APC: variants seen among roughly 807,000 people sequenced by gnomAD.
The protein encoded by APC is APC regulator of Wnt signaling pathway.
In APC, 72 loss-of-function variants were observed where a neutral mutation model predicts 247.0. That is an observed-to-expected ratio of 0.29 (90% CI 0.24 to 0.35). The LOEUF (loss-of-function observed/expected upper bound fraction) is 0.35. Among genes scored for constraint, APC ranks in the 10% least tolerant of loss-of-function variants. The pLI is 1.00. For synonymous variants in APC, 1,254 were observed against 1,162.5 expected (o/e 1.08, Z -1.60); for missense variants, 3,400 against 3,360.7 (o/e 1.01, Z -0.29).
intron 1 of APC, among the ~76,000 whole-genome samples, chr5:112,752,546 A>G (rs948225169): frequency 3.3e-5 from 5 of 152,206 alleles, no homozygotes; most frequent in African/African-American, 1.2e-4. Context: ...CTCTCAGTAA[A>G]GTGAAAGATT....
intron 7 of APC, among the ~76,000 whole-genome samples, chr5:112,800,604 C>T (rs1197317947): frequency 2.6e-5 from 4 of 151,790 alleles, no homozygotes; most frequent in East Asian, 1.9e-4. Context: ...TATAAATGAC[C>T]GTGAGAAATT....
intron 1 of APC, among the ~76,000 whole-genome samples, chr5:112,743,597 A>T (rs994092985): frequency 6.6e-6 from 1 of 152,272 alleles, no homozygotes; most frequent in African/African-American, 2.4e-5. Flanking sequence ...TGATTTTATC[A>T]TCACTTAATT....
intron 7 of APC, among the ~76,000 whole-genome samples, chr5:112,798,134 C>G (rs569171442): frequency 6.6e-6 from 1 of 152,332 alleles, no homozygotes; most frequent in African/African-American, 2.4e-5. Context: ...TGTTCATTCA[C>G]TAGCAGCATT....
At chr5:112,831,574 A>C (rs1018874771) in intron 14 of APC, among the ~76,000 whole-genome samples, 1 of 152,022 alleles carries the variant, frequency 6.6e-6, no homozygotes, top group Non-Finnish European at 1.5e-5. Context: ...TTCCCTCTCA[A>C]CTTCAGCTAC....
intron 2 of APC, among the ~76,000 whole-genome samples, chr5:112,763,955 C>T (rs1317694820): frequency 2.0e-5 from 3 of 151,908 alleles, no homozygotes; most frequent in South Asian, 2.1e-4. Flanking sequence ...GAGACCTGAT[C>T]GGCCGGGCGC....
At chr5:112,725,057 C>T (rs1240391337) in intron 1 of APC, among the ~76,000 whole-genome samples, 2 of 152,086 alleles carry the variant, frequency 1.3e-5, no homozygotes, top group Non-Finnish European at 2.9e-5. Flanking sequence ...AGTCTTGGCT[C>T]ACCGCAACCT....
intron 4 of APC, among the ~76,000 whole-genome samples, chr5:112,768,043 CTTTT>C (rs761163996): frequency 1.5e-5 from 2 of 133,220 alleles, no homozygotes; most frequent in Non-Finnish European, 1.6e-5. Context: ...AAGACTCTTT[CTTTT>C]TTTTTTTTTT....
Position 112,837,713 on chromosome 5 carries a change from C to T in APC, c.2119C>T (p.Leu707Phe), listed in dbSNP as rs2149861054. The change falls in exon 16 of 16, where the codon CTC (leucine) becomes TTC (phenylalanine). Residue 707 changes from leucine to phenylalanine, a missense_variant. Transcript: ENST00000257430. ...ALWDMGAVSMLKNLIHSKHKM... is the reference protein window; with the variant it reads ...ALWDMGAVSMFKNLIHSKHKM... ...ATGGGACATGGGGGCAGTTAGCATG[C>T]TCAAGAACCTCATTCATTCAAAGCA... The T allele has an allele frequency of 6.2e-7, 1 of 1,614,130 alleles. No homozygotes were observed. Among genetic ancestry groups the T allele is most frequent in the Non-Finnish European group, 8.5e-7 (1 of 1,180,026 alleles).
intron 2 of APC, among the ~76,000 whole-genome samples, chr5:112,755,944 C>CAA (rs71708215): frequency 2.3e-5 from 3 of 128,074 alleles, no homozygotes; most frequent in African/African-American, 8.4e-5. Context: ...ACCCCATTCT[C>CAA]AAAAAAAAAA....
In APC at chr5:112,819,291, G is replaced by T. The variant is rs1367937646; in HGVS notation, c.1259G>T (p.Cys420Phe). ...CAGATACGCGCTTACTGTGAAACCT[G>T]TTGGGAGTGGCAGGAAGCTCATGAA... ...LEQIRAYCET[C>F]WEWQEAHEPG... The change falls in exon 10 of 16, where the codon TGT (cysteine) becomes TTT (phenylalanine). Residue 420 changes from cysteine to phenylalanine, a missense_variant. Cys to Phe is a radical substitution (Grantham distance 205, BLOSUM62 -2). Coordinates refer to ENST00000257430, the MANE Select transcript of APC (RefSeq NM_000038.6). 2.5e-6 allele frequency: 4 copies of T among 1,614,070 alleles called. No homozygotes were observed. The East Asian group carries it at 6.7e-5, about 27-fold the overall frequency.
At chr5:112,770,914 G>T (rs1756968274) in intron 4 of APC, among the ~76,000 whole-genome samples, 1 of 152,082 alleles carries the variant, frequency 6.6e-6, no homozygotes, top group South Asian at 2.1e-4. Context: ...GTGAGTGACT[G>T]TGTCTACTGA....
intron 2 of APC, among the ~76,000 whole-genome samples, chr5:112,764,245 C>CAAA (rs71683434): frequency 9.5e-6 from 1 of 105,244 alleles, no homozygotes. Flanking sequence ...GACTCCGTCT[C>CAAA]AAAAAAAAAA....
At chr5:112,815,642 TAAG>T (rs1762438916) in intron 9 of APC, 49 bp downstream of exon 9, 4 of 1,468,906 alleles carry the variant, frequency 2.7e-6, no homozygotes, top group Non-Finnish European at 3.8e-6. Context: ...ACTACTTTGC[TAAG>T]ACATTCTTGG....
chr5:112,839,183 T>C lies in APC; in HGVS notation c.3589T>C (p.Phe1197Leu), dbSNP rs1399846917. 1 of 1,614,052 alleles carries C rather than the reference T, an allele frequency of 6.2e-7. No homozygotes were observed. The highest frequency in any genetic ancestry group is 8.5e-7 in the Non-Finnish European group (1 of 1,180,036). The part of the protein sequence containing the change: ...IPSSQKQSFS[F>L]SKSSSGQSSK... ...TTCATCACAGAAACAGTCATTTTCA[T>C]TCTCAAAGAGTTCATCTGGACAAAG... Residue 1197 changes from phenylalanine to leucine, a missense_variant, in exon 16 of 16, where the codon TTC becomes CTC. Transcript: ENST00000257430. This position sits in a 1 kb window ranked among gnomAD's most constrained non-coding sequence, Gnocchi z 5.0.
chr5:112,827,564 A>G (rs1580567438), intron 12 of APC, among the ~76,000 whole-genome samples: 2 of 152,242 alleles, frequency 1.3e-5, no homozygotes, highest in African/African-American at 4.8e-5. Context: ...GAATTAAAAA[A>G]TAAAAGATAA....
At chr5:112,734,320 C>T (rs1374661452), upstream of APC, among the ~76,000 whole-genome samples, 1 of 152,196 alleles carries the variant, frequency 6.6e-6, no homozygotes, top group Non-Finnish European at 1.5e-5. Context: ...TGTAACATTT[C>T]ACCTCGTTCT....
chr5:112,803,254 C>T (rs1355243096), intron 8 of APC, among the ~76,000 whole-genome samples: 1 of 152,082 alleles, frequency 6.6e-6, no homozygotes, highest in Non-Finnish European at 1.5e-5. Context: ...TGTTGTGAAG[C>T]TCATCACTAC....
At chr5:112,746,689 A>T (rs1753723955) in intron 1 of APC, among the ~76,000 whole-genome samples, 1 of 152,240 alleles carries the variant, frequency 6.6e-6, no homozygotes. Flanking sequence ...AAACATGTTT[A>T]AAAAATTTAC....
At position 112,707,747 on chromosome 5, in the gene APC, C is replaced by A. The variant is rs917976853; in HGVS notation, c.30C>A (p.Val10=). The A allele has an allele frequency of 5.1e-6, 7 of 1,370,650 alleles. No individual in the cohort carries two copies. Among genetic ancestry groups the A allele is most frequent in the Admixed American group, 4.3e-5 (2 of 46,072 alleles). The allele number at this position is 1,370,650 out of a possible 1,614,324, so 84.9% of individuals were successfully genotyped here. A position where few individuals can be genotyped will look rare whatever the true frequency, so the allele number is the denominator to read the frequency against. ...ACGCCTCCCTGGGCTCGGGTCCGGT[C>A]GCCCCTTTGCCCGCTTCTGTACCAC... The change falls in exon 1 of 14, where the codon GTC becomes GTA. Residue 10 remains valine, a synonymous_variant. Coordinates refer to the APC transcript ENST00000507379.
Sources: allele counts gnomAD v4.1 joint callset (sites outside exome capture counted in the v4.1 genomes callset), GRCh38; gene constraint gnomAD v4.1.1; non-coding constraint Gnocchi (gnomAD v3.1); transcripts MANE v1.5; gene names NCBI Gene and HGNC (gene_info 2026-07-23, HGNC 2026-07-21).